FBXO5: variants seen among roughly 807,000 people sequenced by gnomAD.
FBXO5 encodes F-box only protein 5.
Under a neutral mutation model 43.3 loss-of-function variants are expected in FBXO5, and 8 were observed. The observed-to-expected ratio is 0.18, with a 90% CI of 0.11 to 0.33. FBXO5 has a LOEUF of 0.33. Among genes scored for constraint, FBXO5 ranks in the 10% least tolerant of loss-of-function variants. The probability of loss-of-function intolerance (pLI) is 1.00; values close to 1 mark genes in which losing one functional copy is unlikely to be tolerated. For missense variants in FBXO5, 491 were observed against 535.7 expected, an observed-to-expected ratio of 0.92 and a Z score of 0.82; for synonymous variants, 204 against 193.7, an observed-to-expected ratio of 1.05 and a Z score of -0.44.
intron 1 of FBXO5, among the ~76,000 whole-genome samples, chr6:152,976,400 C>A (rs533261184): frequency 1.3e-5 from 2 of 152,210 alleles, no homozygotes; most frequent in East Asian, 1.9e-4. Flanking sequence ...ATATTCAAAG[C>A]GTTTGTCTAC....
intron 1 of FBXO5, among the ~76,000 whole-genome samples, chr6:152,976,188 T>C (rs2236011): frequency 0.11 from 16,513 of 152,208 alleles, 961 homozygotes; most frequent in South Asian, 0.2. Context: ...ATAATCTTGA[T>C]AAAAATAATA....
chr6:152,974,016 C>T (rs1243103592), intron 2 of FBXO5: 1 of 151,264 alleles, frequency 6.6e-6, no homozygotes, highest in Non-Finnish European at 1.5e-5. Flanking sequence ...CTAATTCTAG[C>T]CTGCATAATC....
chr6:152,972,787 G>T, intron 3 of FBXO5: 1 of 498,730 alleles, frequency 2.0e-6, no homozygotes, highest in Non-Finnish European at 3.6e-6. Flanking sequence ...AACTAAGATT[G>T]ACTAAATGGT....
intron 1 of FBXO5, 54 bp from the exon 2 acceptor site, chr6:152,975,675 T>C: frequency 8.8e-7 from 1 of 1,136,066 alleles, no homozygotes; most frequent in Non-Finnish European, 1.3e-6. Flanking sequence ...CACACATCCC[T>C]ACTTCTTAAA....
At chr6:152,977,854 G>C (rs1023338297) in intron 1 of FBXO5, among the ~76,000 whole-genome samples, 1 of 152,170 alleles carries the variant, frequency 6.6e-6, no homozygotes, top group Non-Finnish European at 1.5e-5. Flanking sequence ...TTACTGGGGG[G>C]TTGTCCTATA....
Position 152,970,921 on chromosome 6 carries a change from C to T in FBXO5, c.*242G>A. The T allele has an allele frequency of 2.9e-6, 1 of 343,096 alleles. No homozygotes were observed. The highest frequency in any genetic ancestry group is 5.2e-6 in the Non-Finnish European group (1 of 193,878). The allele number at this position is 343,096 out of a possible 1,614,324, so 21.3% of individuals were successfully genotyped here. ...CCCTCAGTATCACTATCTACTTTTCCTTTTTTCTTAAAATATTTAAATTGT... is the reference window on the plus strand; with the variant it reads ...CCCTCAGTATCACTATCTACTTTTCTTTTTTTCTTAAAATATTTAAATTGT... On this transcript the variant is annotated 3_prime_UTR_variant, in exon 5 of 5. Transcript: ENST00000229758.
Position 152,971,367 on chromosome 6 carries a change from G to A in FBXO5, c.1140C>T (p.Arg380=), listed in dbSNP as rs1369818055. The change falls in exon 5 of 5, where the codon CGC becomes CGT. Residue 380 remains arginine (R), a synonymous_variant. Transcript: ENST00000229758. Reference sequence around the variant, plus strand: ...AATCATATTTTGCAGGTGAATTACAGCGAATACAGGCTTTGAGGCTTTCGT... The same window carrying A: ...AATCATATTTTGCAGGTGAATTACAACGAATACAGGCTTTGAGGCTTTCGT... The part of the protein sequence containing the change: ...KKNESLKACI[R]CNSPAKYDCY... The A allele has an allele frequency of 2.5e-6, 4 of 1,613,616 alleles. No homozygotes were observed. The African/African-American group carries it at 4.0e-5, about 16-fold the overall frequency.
chr6:152,982,183 C>A (rs1416531052), intron 1 of FBXO5, among the ~76,000 whole-genome samples: 1 of 152,164 alleles, frequency 6.6e-6, no homozygotes, highest in African/African-American at 2.4e-5. Context: ...TGAGTTTGGT[C>A]CAATGAGTTG....
intron 4 of FBXO5, 125 bp from the exon 5 acceptor site, chr6:152,971,539 G>T: frequency 1.1e-6 from 1 of 897,252 alleles, no homozygotes; most frequent in Non-Finnish European, 1.7e-6. Flanking sequence ...TCACACATAC[G>T]ATAACTACTG....
intron 4 of FBXO5, 37 bp downstream of exon 4, chr6:152,972,235 C>CT: frequency 6.8e-7 from 1 of 1,480,840 alleles, no homozygotes; most frequent in Non-Finnish European, 9.3e-7. Context: ...CTCTAAATCT[C>CT]TTATGTTTTA....
At chr6:152,983,060 T>A, upstream of FBXO5, 1 of 631,592 alleles carries the variant, frequency 1.6e-6, no homozygotes, top group Non-Finnish European at 2.4e-6. Context: ...AGGCGCCAGC[T>A]GGTACTTTTA....
chr6:152,982,825 G>A (rs778253651), intron 1 of FBXO5, 32 bp downstream of exon 1: 2 of 1,428,108 alleles, frequency 1.4e-6, no homozygotes, highest in Non-Finnish European at 1.9e-6. Context: ...CCTGGCGTGC[G>A]CGCCCCCCTC....
At chr6:152,981,660 GAA>G (rs374374061) in intron 1 of FBXO5, among the ~76,000 whole-genome samples, 18 of 132,062 alleles carry the variant, frequency 1.4e-4, no homozygotes, top group African/African-American at 3.8e-4. Context: ...TATCAAAAAA[GAA>G]AAAAAAAAAA....
intron 1 of FBXO5, among the ~76,000 whole-genome samples, chr6:152,980,176 GA>G (rs1778239279): frequency 6.6e-6 from 1 of 152,202 alleles, no homozygotes; most frequent in Admixed American, 6.5e-5. Context: ...CAGAAAGACA[GA>G]AAACATTATA....
chr6:152,981,730 T>C (rs959200132), intron 1 of FBXO5, among the ~76,000 whole-genome samples: 7 of 151,886 alleles, frequency 4.6e-5, no homozygotes, highest in Non-Finnish European at 8.8e-5. Flanking sequence ...TCCAGGATCT[T>C]CTAGAAATAT....
chr6:152,971,506 A>G, intron 4 of FBXO5, 92 bp from the exon 5 acceptor site: 9 of 1,285,588 alleles, frequency 7.0e-6, no homozygotes, highest in Non-Finnish European at 9.6e-6. Context: ...CACCTTCCCC[A>G]ATTCATGTAT....
chr6:152,982,874 C>A lies in FBXO5; in HGVS notation c.86G>T (p.Arg29Leu). 6.6e-7 allele frequency: 1 copy of A among 1,511,200 alleles called. No individual in the cohort carries two copies. The highest frequency in any genetic ancestry group is 8.8e-7 in the Non-Finnish European group (1 of 1,136,524). 93.6% of individuals were successfully genotyped at this position (1,511,200 alleles called of 1,614,324 possible). ...TCACTCACTATCCGAGGGTCGAGGG[C>A]GCCCGGCGGCTGTCACTGCGCTGGG... is the stretch of plus-strand genomic sequence containing the variant. The part of the protein sequence containing the change: ...ASPSAVTAAG[R>L]PRPSDSCKEE... The change falls in exon 1 of 5, where the codon CGC (arginine) becomes CTC (leucine). Residue 29 changes from arginine (R) to leucine (L), a missense_variant. Arg to Leu is a moderately radical substitution (Grantham distance 102, BLOSUM62 -2). Coordinates refer to ENST00000229758, the MANE Select transcript of FBXO5 (RefSeq NM_012177.5).
chr6:152,972,241 T>C, intron 4 of FBXO5, 31 bp downstream of exon 4: 1 of 1,525,638 alleles, frequency 6.6e-7, no homozygotes, highest in Non-Finnish European at 9.0e-7. Context: ...ATCTCTTATG[T>C]TTTAAGATTT....
At chr6:152,974,538 TG>T (rs1239976949) in intron 2 of FBXO5, among the ~76,000 whole-genome samples, 1 of 152,232 alleles carries the variant, frequency 6.6e-6, no homozygotes, top group Non-Finnish European at 1.5e-5. Context: ...TTCATCTTAG[TG>T]GCACATAGGT....
Sources: gnomAD v4.1 joint callset for allele counts (sites outside exome capture counted in the v4.1 genomes callset) on GRCh38, gnomAD v4.1.1 for gene constraint, MANE v1.5 for transcripts, NCBI Gene and HGNC (gene_info 2026-07-23, HGNC 2026-07-21) for gene names.